Variants in LRRC4C observed in about 807,000 individuals in gnomAD.
LRRC4C encodes leucine rich repeat containing 4C.
In LRRC4C, 5 loss-of-function variants were observed where a neutral mutation model predicts 33.6. That is an observed-to-expected ratio of 0.15 (90% CI 0.08 to 0.31). LRRC4C has a LOEUF of 0.31. Among genes scored for constraint, LRRC4C ranks in the 10% least tolerant of loss-of-function variants. The pLI, the probability that LRRC4C is intolerant of heterozygous loss-of-function variation, is 1.00. For synonymous variants in LRRC4C, 329 were observed against 302.0 expected, an observed-to-expected ratio of 1.09 and a Z score of -0.93; for missense variants, 560 against 796.7, an observed-to-expected ratio of 0.70 and a Z score of 3.58.
chr11:41,407,641 A>G (rs912027158), intron 1 of LRRC4C, among the ~76,000 whole-genome samples: 6 of 152,144 alleles, frequency 3.9e-5, no homozygotes, highest in African/African-American at 1.2e-4. Context: ...CACCAAACAT[A>G]TAGAAAACAC....
intron 1 of LRRC4C, among the ~76,000 whole-genome samples, chr11:41,427,300 C>G (rs1183890466): frequency 1.3e-5 from 2 of 152,076 alleles, no homozygotes; most frequent in East Asian, 3.9e-4. Flanking sequence ...AGTATCCACT[C>G]TTTGCCTGAC....
intron 1 of LRRC4C, among the ~76,000 whole-genome samples, chr11:41,090,176 C>T (rs1175262316): frequency 6.6e-6 from 1 of 151,840 alleles, no homozygotes; most frequent in Admixed American, 6.6e-5. Context: ...AAGTCAGTGC[C>T]AGAAGAATGT....
At position 40,971,257 on chromosome 11, in the gene LRRC4C, T is replaced by G. The variant is rs1437858069; in HGVS notation, c.-495-37534A>C. Among the ~76,000 whole-genome samples, 12 of 152,308 alleles carry G rather than the reference T, an allele frequency of 7.9e-5. No individual in the cohort carries two copies. The South Asian group carries it at 1.7e-3, about 21-fold the overall frequency. ...CCCAGAAGCTTAGAAGGGAAGAATGTTATGGTGGTCCAGGCCCAGGGCCTC... is the reference window on the plus strand; with the variant it reads ...CCCAGAAGCTTAGAAGGGAAGAATGGTATGGTGGTCCAGGCCCAGGGCCTC... On this transcript the variant is annotated intron_variant, in intron 1 of 6. Coordinates refer to ENST00000528697, the MANE Select transcript of LRRC4C (RefSeq NM_001258419.2).
At chr11:40,633,369 CTT>C (rs1555125585) in intron 3 of LRRC4C, among the ~76,000 whole-genome samples, 114 of 100,282 alleles carry the variant, frequency 1.1e-3, no homozygotes, top group Middle Eastern at 4.6e-3. Flanking sequence ...TTCTTTCTTT[CTT>C]TCTCTCTCTT....
Position 41,216,991 on chromosome 11 carries a change from C to T in LRRC4C, c.-496+242440G>A, listed in dbSNP as rs528649426. Among the ~76,000 whole-genome samples, 14 of 152,016 alleles carry T rather than the reference C, an allele frequency of 9.2e-5. No individual in the cohort carries two copies. The East Asian group carries it at 1.2e-3, about 13-fold the overall frequency. ...CAAGGCTCTGAGAGATTAAAAGAAA[C>T]GGGTCATGAGTGGAAGAATACAAAT... is the stretch of plus-strand genomic sequence containing the variant. On this transcript the variant is annotated intron_variant, in intron 1 of 6. Transcript: ENST00000528697.
At chr11:41,067,609 A>C (rs1047127782) in intron 1 of LRRC4C, among the ~76,000 whole-genome samples, 6 of 152,214 alleles carry the variant, frequency 3.9e-5, no homozygotes, top group Non-Finnish European at 7.3e-5. Flanking sequence ...AACAGAATAT[A>C]CATGCTTTTC....
chr11:41,030,156 C>T (rs1226551180), intron 1 of LRRC4C, among the ~76,000 whole-genome samples: 1 of 151,766 alleles, frequency 6.6e-6, no homozygotes, highest in Admixed American at 6.6e-5. Flanking sequence ...TTAATTTTGG[C>T]AATAAGTAAC....
chr11:40,487,828 A>G (rs1006883258), intron 3 of LRRC4C, among the ~76,000 whole-genome samples: 1 of 152,090 alleles, frequency 6.6e-6, no homozygotes, highest in African/African-American at 2.4e-5. Context: ...AGAGAAAAAC[A>G]GATTTATCTT....
chr11:41,049,030 C>T (rs192654608), intron 1 of LRRC4C, among the ~76,000 whole-genome samples: 3 of 152,212 alleles, frequency 2.0e-5, no homozygotes, highest in East Asian at 3.9e-4. Flanking sequence ...CTTGGTAGGC[C>T]ATTGTCAGAA....
chr11:40,871,380 C>T (rs1335698885), intron 2 of LRRC4C, among the ~76,000 whole-genome samples: 1 of 151,956 alleles, frequency 6.6e-6, no homozygotes, highest in African/African-American at 2.4e-5. Flanking sequence ...CATCACAGAA[C>T]CTGCCGACAT....
intron 3 of LRRC4C, among the ~76,000 whole-genome samples, chr11:40,462,676 T>C (rs995084039): frequency 6.6e-6 from 1 of 152,122 alleles, no homozygotes; most frequent in Non-Finnish European, 1.5e-5. Flanking sequence ...TAGGAGGCTT[T>C]ATTTTACTTA....
chr11:40,141,718 C>G (rs148444590), intron 5 of LRRC4C, among the ~76,000 whole-genome samples: 1 of 152,096 alleles, frequency 6.6e-6, no homozygotes, highest in South Asian at 2.1e-4. Context: ...TTAAAATCTT[C>G]AAGGGACAAG....
intron 5 of LRRC4C, among the ~76,000 whole-genome samples, chr11:40,178,649 T>C (rs1022237663): frequency 6.6e-6 from 1 of 152,204 alleles, no homozygotes; most frequent in African/African-American, 2.4e-5. Context: ...ACAAAATCAA[T>C]GGGTTCCTTT....
At chr11:41,054,883 T>C (rs1333985640) in intron 1 of LRRC4C, among the ~76,000 whole-genome samples, 1 of 152,182 alleles carries the variant, frequency 6.6e-6, no homozygotes, top group Non-Finnish European at 1.5e-5. Flanking sequence ...TGGAAGGAGA[T>C]GTCATATGCT....
chr11:40,550,186 A>G (rs1054484515), intron 3 of LRRC4C, among the ~76,000 whole-genome samples: 7 of 152,164 alleles, frequency 4.6e-5, no homozygotes, highest in African/African-American at 1.7e-4. Context: ...AATATGCATT[A>G]TTAAATAATA....
rs113846048 is a variant in LRRC4C, at chr11:40,202,826, C to T, written c.-96+38693G>A. 2.3e-3 allele frequency among the ~76,000 whole-genome samples: 343 copies of T among 152,290 alleles called. 2 individuals are homozygous for T. Among genetic ancestry groups the T allele is most frequent in the African/African-American group, 8.0e-3 (333 of 41,560 alleles). On this transcript the variant is annotated intron_variant, in intron 5 of 6. Transcript: ENST00000528697. Reference sequence around the variant, plus strand: ...GGGAAGCTGTTAGGCAAATTCACTGCTTTACTCCAGGAGCATTTTCCCTGA... The same window carrying T: ...GGGAAGCTGTTAGGCAAATTCACTGTTTTACTCCAGGAGCATTTTCCCTGA...
chr11:40,689,200 T>C (rs892676396), intron 2 of LRRC4C, among the ~76,000 whole-genome samples: 1 of 152,114 alleles, frequency 6.6e-6, no homozygotes, highest in African/African-American at 2.4e-5. Flanking sequence ...TTATCTTGTT[T>C]AAATCTCATA....
At chr11:40,249,310 G>A (rs1025569934) in intron 4 of LRRC4C, among the ~76,000 whole-genome samples, 1 of 152,134 alleles carries the variant, frequency 6.6e-6, no homozygotes, top group African/African-American at 2.4e-5. Flanking sequence ...CTGCACTCCA[G>A]CCTGGCCAGA....
At chr11:40,320,912 G>A (rs1945812774) in intron 3 of LRRC4C, among the ~76,000 whole-genome samples, 1 of 152,108 alleles carries the variant, frequency 6.6e-6, no homozygotes, top group Non-Finnish European at 1.5e-5. Context: ...TCGAGCATGA[G>A]TTATTTGTAG....
Sources: gnomAD v4.1 joint callset for allele counts (sites outside exome capture counted in the v4.1 genomes callset) on GRCh38, gnomAD v4.1.1 for gene constraint, MANE v1.5 for transcripts, NCBI Gene and HGNC (gene_info 2026-07-23, HGNC 2026-07-21) for gene names.